Variants in LGR5 observed in about 807,000 individuals in gnomAD.
LGR5 encodes leucine rich repeat containing G protein-coupled receptor 5.
LGR5 carries 54 observed loss-of-function variants against 76.7 expected under a neutral mutation model. That is an observed-to-expected ratio of 0.70 (90% confidence interval 0.57 to 0.88). LGR5 has a LOEUF of 0.88. Among genes scored for constraint, LGR5 ranks in the 40% least tolerant of loss-of-function variants. The pLI, the probability that LGR5 is intolerant of heterozygous loss-of-function variation, is 0.00. For missense variants in LGR5, 1,078 were observed against 1,073.3 expected (o/e 1.00, Z -0.06); for synonymous variants, 406 against 421.9 (o/e 0.96, Z 0.46).
rs1878357737 is a variant in LGR5 at position 71,566,617 on chromosome 12, T to TAC, written c.930-14_930-13dup. 1 of 1,603,362 alleles carries TAC rather than the reference T, an allele frequency of 6.2e-7. No homozygotes were observed. The highest frequency in any genetic ancestry group is 1.1e-5 in the South Asian group (1 of 90,858). On this transcript the variant is annotated splice_polypyrimidine_tract_variant and intron_variant, in intron 9 of 17. Transcript: ENST00000266674. ...GAATCTTCTACCAGTAATACTTATA[T>TAC]ACTCCTCTTTCTAGGACTCTGAATG... is the stretch of plus-strand genomic sequence containing the variant.
At chr12:71,573,034 T>C in intron 13 of LGR5, 113 bp downstream of exon 13, 2 of 693,114 alleles carry the variant, frequency 2.9e-6, no homozygotes, top group South Asian at 4.4e-5. Flanking sequence ...CTTTTGTGCA[T>C]ATATTTGCTA....
chr12:71,540,039 A>G (rs567200191), intron 4 of LGR5, among the ~76,000 whole-genome samples: 34 of 152,322 alleles, frequency 2.2e-4, no homozygotes, highest in Admixed American at 3.9e-4. Context: ...TTACCAAAAA[A>G]CTTTTGGGAG....
intron 15 of LGR5, among the ~76,000 whole-genome samples, chr12:71,580,009 T>G (rs1227177975): frequency 6.6e-6 from 1 of 152,170 alleles, no homozygotes; most frequent in African/African-American, 2.4e-5. Context: ...TTTTTTAACC[T>G]TTTTATTTTG....
At chr12:71,579,955 C>CA (rs1879020734) in intron 15 of LGR5, among the ~76,000 whole-genome samples, 1 of 152,090 alleles carries the variant, frequency 6.6e-6, no homozygotes, top group Non-Finnish European at 1.5e-5. Context: ...CTTATTCTGC[C>CA]ATAAGCACTT....
At chr12:71,519,369 T>C in intron 2 of LGR5, among the ~76,000 whole-genome samples, 1 of 152,178 alleles carries the variant, frequency 6.6e-6, no homozygotes, top group East Asian at 1.9e-4. Flanking sequence ...GATTTTGCTT[T>C]TTTCAGAGCA....
chr12:71,469,213 G>A (rs1872986109), intron 1 of LGR5, among the ~76,000 whole-genome samples: 1 of 152,194 alleles, frequency 6.6e-6, no homozygotes, highest in African/African-American at 2.4e-5. Flanking sequence ...CTTCCAAAGA[G>A]ATTATATTTA....
rs1555175106 is a variant in LGR5 at position 71,563,872 on chromosome 12, G to GTGTA, written c.857+2021_857+2022insGTAT. On this transcript the variant is annotated intron_variant, in intron 8 of 17. Coordinates refer to ENST00000266674, the MANE Select transcript of LGR5 (RefSeq NM_003667.4). Reference sequence around the variant, plus strand: ...CCAGTGTGTGTGTGTGTGTGTGTGTGTATATAGTGTGTATATATATACTGT... The same window carrying GTGTA: ...CCAGTGTGTGTGTGTGTGTGTGTGTGTGTATATATAGTGTGTATATATATACTGT... 1.3e-3 allele frequency among the ~76,000 whole-genome samples: 182 copies of GTGTA among 135,466 alleles called. 1 individual carries two copies. Among genetic ancestry groups the GTGTA allele is most frequent in the African/African-American group, 5.0e-3 (168 of 33,912 alleles). 88.9% of individuals were successfully genotyped at this position (135,466 alleles called of 152,430 possible). A position where few individuals can be genotyped will look rare whatever the true frequency, so the allele number is the denominator to read the frequency against.
intron 1 of LGR5, among the ~76,000 whole-genome samples, chr12:71,479,899 C>T (rs1873509797): frequency 6.6e-6 from 1 of 152,144 alleles, no homozygotes; most frequent in African/African-American, 2.4e-5. Flanking sequence ...GCCCTGTCAA[C>T]CATGCTTAGG....
intron 4 of LGR5, 54 bp from the exon 5 acceptor site, chr12:71,553,019 A>T: frequency 6.5e-7 from 1 of 1,543,864 alleles, no homozygotes; most frequent in Non-Finnish European, 8.9e-7. Context: ...TGCAAAGTTG[A>T]CCTTCTGCTT....
chr12:71,545,446 T>C (rs1877107644), intron 4 of LGR5, among the ~76,000 whole-genome samples: 1 of 152,046 alleles, frequency 6.6e-6, no homozygotes, highest in Admixed American at 6.6e-5. Context: ...AGTGAGACCC[T>C]GTCTCAAAAA....
intron 1 of LGR5, among the ~76,000 whole-genome samples, chr12:71,476,729 G>A (rs7300175): frequency 0.042 from 6,432 of 152,190 alleles, 143 homozygotes; most frequent in African/African-American, 0.066. Flanking sequence ...AGCCAAGGCT[G>A]GAACTTTCAG....
chr12:71,524,720 C>G (rs10128838), intron 3 of LGR5, among the ~76,000 whole-genome samples: 2,819 of 152,194 alleles, frequency 0.019, 96 homozygotes, highest in African/African-American at 0.065. Context: ...TAAATAACTA[C>G]CTTATCAACT....
Position 71,578,904 on chromosome 12 carries a change from T to G in LGR5, c.1381T>G (p.Ser461Ala). 1.2e-6 allele frequency: 2 copies of G among 1,608,658 alleles called. No homozygotes were observed. The highest frequency in any genetic ancestry group is 2.2e-5 in the East Asian group (1 of 44,784). The change falls in exon 15 of 18, where the codon TCA (serine) becomes GCA (alanine). Residue 461 changes from serine (S) to alanine (A), a missense_variant. By Grantham distance (99) the Ser-to-Ala change is moderately conservative. Coordinates refer to ENST00000266674, the MANE Select transcript of LGR5 (RefSeq NM_003667.4). ...AAATCATGCCTTACAGAGCTTGATA[T>G]CATCTGAAAACTTTCCAGAACTCAA... is the stretch of plus-strand genomic sequence containing the variant. ...TGNHALQSLI[S>A]SENFPELKVI...
intron 4 of LGR5, among the ~76,000 whole-genome samples, chr12:71,552,401 C>G (rs1877531822): frequency 6.6e-6 from 1 of 151,856 alleles, no homozygotes; most frequent in Non-Finnish European, 1.5e-5. Context: ...CCTGTCTCTA[C>G]TAAAAATGTA....
At chr12:71,453,464 C>CTT (rs565288717) in intron 1 of LGR5, among the ~76,000 whole-genome samples, 5 of 138,306 alleles carry the variant, frequency 3.6e-5, no homozygotes, top group African/African-American at 7.9e-5. Context: ...TTATCCTTTC[C>CTT]TTTTTTTTTT....
rs149049114 is a variant in LGR5, at chr12:71,504,658, T to G, written c.257T>G (p.Leu86Arg). 7.4e-6 allele frequency: 12 copies of G among 1,614,070 alleles called. No individual in the cohort carries two copies. In the South Asian group the frequency reaches 1.3e-4, roughly 18 times the overall value. ...ATCAGTCAGCTGCTCCCGAATCCCC[T>G]GCCCAGTCTCCGCTTCCTGGAGGAG... Reference protein sequence around the residue: ...NNISQLLPNPLPSLRFLEELR... With the variant: ...NNISQLLPNPRPSLRFLEELR... Residue 86 changes from leucine (L) to arginine (R), a missense_variant, in exon 2 of 18, where the codon CTG becomes CGG. Coordinates refer to ENST00000266674, the MANE Select transcript of LGR5 (RefSeq NM_003667.4).
At chr12:71,474,385 A>C (rs1873235582) in intron 1 of LGR5, among the ~76,000 whole-genome samples, 1 of 152,230 alleles carries the variant, frequency 6.6e-6, no homozygotes, top group South Asian at 2.1e-4. Flanking sequence ...AAGAAAAATT[A>C]AAATTCTTTT....
intron 2 of LGR5, among the ~76,000 whole-genome samples, chr12:71,507,973 C>T (rs1208505772): frequency 4.6e-5 from 7 of 151,852 alleles, no homozygotes; most frequent in Admixed American, 4.6e-4. Flanking sequence ...GTAATCCCAG[C>T]ACTTTCGGAG....
intron 6 of LGR5, among the ~76,000 whole-genome samples, chr12:71,558,915 T>C (rs1229958634): frequency 6.6e-6 from 1 of 152,224 alleles, no homozygotes; most frequent in Non-Finnish European, 1.5e-5. Flanking sequence ...TTTGACCACT[T>C]CATCTCTGGC....
Sources: allele counts gnomAD v4.1 joint callset (sites outside exome capture counted in the v4.1 genomes callset), GRCh38; gene constraint gnomAD v4.1.1; transcripts MANE v1.5; gene names NCBI Gene and HGNC (gene_info 2026-07-23, HGNC 2026-07-21).